The following SPECC1 variants were observed in gnomAD, a reference collection of about 807,000 sequenced individuals.
The protein encoded by SPECC1 is cytospin-B.
SPECC1 carries 62 observed loss-of-function variants against 104.1 expected under a neutral mutation model. The ratio of observed to expected loss-of-function variants is 0.60; its 90% confidence interval spans 0.49 to 0.74. SPECC1 has a LOEUF of 0.74. Among genes scored for constraint, SPECC1 ranks in the 30% least tolerant of loss-of-function variants. SPECC1 has a pLI of 0.00. For missense variants in SPECC1, 1,306 were observed against 1,310.5 expected, an observed-to-expected ratio of 1.00 and a Z score of 0.05; for synonymous variants, 513 against 501.6, an observed-to-expected ratio of 1.02 and a Z score of -0.30.
chr17:20,021,698 A>T (rs181466502), intron 1 of SPECC1, among the ~76,000 whole-genome samples: 2,545 of 113,542 alleles, frequency 0.022, 77 homozygotes, highest in African/African-American at 0.091. Flanking sequence ...ATATATATAT[A>T]TATATTTTTT....
Position 20,232,276 on chromosome 17 carries a change from A to G in SPECC1, c.2222A>G (p.Glu741Gly), listed in dbSNP as rs765211001. ...AVVVANDIKC[E>G]AQQELRTVKR... ...GTGGTGGCCAATGACATCAAGTGTG[A>G]GGCCCAGCAGGAGCTGCGCACCGTG... Residue 741 changes from glutamate to glycine, a missense_variant, in exon 7 of 15, where the codon GAG (glutamate) becomes GGG (glycine). Glu to Gly is a moderately conservative substitution (Grantham distance 98). This residue lies in a region of SPECC1 where 1,177 missense variants were observed against 1,139.9 expected (regional missense o/e 1.03). Coordinates refer to ENST00000395527, the MANE Select transcript of SPECC1 (RefSeq NM_001243439.2). 6.2e-7 allele frequency: 1 copy of G among 1,614,076 alleles called. No homozygotes were observed. Among genetic ancestry groups the G allele is most frequent in the African/African-American group, 1.3e-5 (1 of 74,936 alleles).
intron 3 of SPECC1, among the ~76,000 whole-genome samples, chr17:20,114,630 T>C (rs939898151): frequency 1.8e-4 from 27 of 152,278 alleles, no homozygotes; most frequent in African/African-American, 6.3e-4. Flanking sequence ...AGCAGGGATG[T>C]TAGCTGTGTC....
intron 3 of SPECC1, chr17:20,113,073 G>C: frequency 1.4e-6 from 1 of 719,216 alleles, no homozygotes; most frequent in Non-Finnish European, 2.5e-6. Context: ...CAGTTGTCTA[G>C]AAGAAATAAC....
At chr17:20,199,165 C>T (rs754586429) in intron 3 of SPECC1, among the ~76,000 whole-genome samples, 14 of 145,314 alleles carry the variant, frequency 9.6e-5, no homozygotes, top group Non-Finnish European at 1.9e-4. Context: ...CAGCTCACTG[C>T]ACCCTTCGTC....
intron 1 of SPECC1, among the ~76,000 whole-genome samples, chr17:20,068,401 GT>G (rs762333729): frequency 1.3e-5 from 2 of 152,198 alleles, no homozygotes; most frequent in Non-Finnish European, 2.9e-5. Context: ...TGGCCACTGG[GT>G]TTTTTCTACT....
At chr17:20,256,357 T>C (rs2151580739) in intron 10 of SPECC1, among the ~76,000 whole-genome samples, 1 of 152,278 alleles carries the variant, frequency 6.6e-6, no homozygotes, top group Admixed American at 6.5e-5. Context: ...TACTTGCTTC[T>C]AGCAATCCCC....
At chr17:20,083,548 T>A (rs4925079) in intron 1 of SPECC1, among the ~76,000 whole-genome samples, 75,432 of 151,990 alleles carry the variant, frequency 0.5, 19,284 homozygotes, top group Middle Eastern at 0.61. Context: ...TTTTTGTGTG[T>A]GTGCTATTCA....
intron 4 of SPECC1, among the ~76,000 whole-genome samples, chr17:20,212,455 G>A (rs2037215945): frequency 6.6e-6 from 1 of 152,194 alleles, no homozygotes; most frequent in Admixed American, 6.5e-5. Flanking sequence ...GGTGGAAGGT[G>A]AAAGGCACAT....
At position 20,293,480 on chromosome 17, in the gene SPECC1, T is replaced by C. The variant is rs116370609; in HGVS notation, c.2941-3481T>C. 2.2e-3 allele frequency among the ~76,000 whole-genome samples: 342 copies of C among 152,282 alleles called. 1 individual carries two copies. The highest frequency in any genetic ancestry group is 6.8e-3 in the African/African-American group (281 of 41,564). On this transcript the variant is annotated intron_variant, in intron 12 of 14. Coordinates refer to ENST00000395527, the MANE Select transcript of SPECC1 (RefSeq NM_001243439.2). ...CCAGGGCAGTCAGAGAGTTAACTTGTTGTAGGGTTGCATTTGGCCATCTGG... is the reference window on the plus strand; with the variant it reads ...CCAGGGCAGTCAGAGAGTTAACTTGCTGTAGGGTTGCATTTGGCCATCTGG...
chr17:20,184,645 A>G (rs927736451), intron 3 of SPECC1, among the ~76,000 whole-genome samples: 51 of 152,242 alleles, frequency 3.3e-4, no homozygotes, highest in African/African-American at 1.2e-3. Flanking sequence ...TTGTAGAAAC[A>G]GGACCTACTG....
intron 3 of SPECC1, among the ~76,000 whole-genome samples, chr17:20,158,650 G>A (rs1013604149): frequency 6.6e-6 from 1 of 152,224 alleles, no homozygotes; most frequent in Non-Finnish European, 1.5e-5. Flanking sequence ...TTGGAAGAAC[G>A]TGCCTTCAGC....
chr17:20,237,060 C>G (rs1360972864), intron 7 of SPECC1: 96 of 1,460,750 alleles, frequency 6.6e-5, no homozygotes, highest in Non-Finnish European at 8.5e-5. Context: ...TGCTTTTTGT[C>G]CACATTTTGG....
At chr17:20,030,732 TC>T (rs777824276) in intron 1 of SPECC1, among the ~76,000 whole-genome samples, 2 of 152,198 alleles carry the variant, frequency 1.3e-5, no homozygotes, top group Non-Finnish European at 2.9e-5. Context: ...TCACTTGTTT[TC>T]AGCCTGAAGA....
rs1359166932 is a variant in SPECC1 at position 20,237,377 on chromosome 17, C to T, written c.2351+4972C>T. 9 of 753,350 alleles carry T rather than the reference C, an allele frequency of 1.2e-5. No homozygotes were observed. The Admixed American group carries it at 1.7e-4, about 14-fold the overall frequency. The allele number at this position is 753,350 out of a possible 1,614,324, so 46.7% of individuals were successfully genotyped here. ...TTGCCCAGGCTGGAGTGCAATGGTA[C>T]GATCTCGGCTCACTGCAACCTCTGC... On this transcript the variant is annotated intron_variant, in intron 7 of 14. Transcript: ENST00000395527.
chr17:20,295,099 C>T (rs772601537), intron 12 of SPECC1, among the ~76,000 whole-genome samples: 10 of 151,812 alleles, frequency 6.6e-5, no homozygotes, highest in Middle Eastern at 6.8e-3. Context: ...TATACATGTG[C>T]CATGTTGGTG....
intron 3 of SPECC1, among the ~76,000 whole-genome samples, chr17:20,120,501 T>A (rs1370377823): frequency 6.6e-6 from 1 of 152,190 alleles, no homozygotes; most frequent in Non-Finnish European, 1.5e-5. Context: ...AAGAATAAAA[T>A]TAAAGGAAAT....
intron 14 of SPECC1, among the ~76,000 whole-genome samples, chr17:20,310,862 T>C (rs1180523673): frequency 6.6e-6 from 1 of 152,228 alleles, no homozygotes; most frequent in Non-Finnish European, 1.5e-5. Flanking sequence ...CATTTTGTTT[T>C]TCATATTTAC....
intron 3 of SPECC1, among the ~76,000 whole-genome samples, chr17:20,123,394 C>T (rs532880306): frequency 3.9e-5 from 6 of 152,302 alleles, no homozygotes; most frequent in South Asian, 2.1e-4. Flanking sequence ...GGCAAGCAGT[C>T]GTGATTGGCT....
At chr17:20,134,005 A>C (rs1481052406) in intron 3 of SPECC1, among the ~76,000 whole-genome samples, 2 of 152,072 alleles carry the variant, frequency 1.3e-5, no homozygotes, top group East Asian at 1.9e-4. Flanking sequence ...TTACAAGATT[A>C]TATATTCCCA....
Sources: allele counts gnomAD v4.1 joint callset (sites outside exome capture counted in the v4.1 genomes callset), GRCh38; gene constraint gnomAD v4.1.1; regional missense constraint gnomAD v4.1.1; transcripts MANE v1.5; gene names NCBI Gene and HGNC (gene_info 2026-07-23, HGNC 2026-07-21).